The following STARD7 variants were observed in gnomAD, a reference collection of about 807,000 sequenced individuals.
STARD7 encodes the protein StAR related lipid transfer domain containing 7.
Under a neutral mutation model 45.3 loss-of-function variants are expected in STARD7, and 30 were observed. The observed-to-expected ratio is 0.66, with a 90% CI of 0.50 to 0.90. STARD7 has a LOEUF of 0.90. Among genes scored for constraint, STARD7 ranks in the 40% least tolerant of loss-of-function variants. STARD7 has a pLI of 0.00. For missense variants in STARD7, 495 were observed against 491.3 expected (o/e 1.01, Z -0.07); for synonymous variants, 199 against 183.0 (o/e 1.09, Z -0.70).
chr2:96,196,263 G>C (rs1428536925), intron 1 of STARD7, among the ~76,000 whole-genome samples: 1 of 152,078 alleles, frequency 6.6e-6, no homozygotes, highest in African/African-American at 2.4e-5. Context: ...CCAGGTTCAA[G>C]ACTAACCTGG....
rs1259739039 is a variant in STARD7, at chr2:96,208,397, C to G, written c.38G>C (p.Gly13Ala). 2 of 1,454,692 alleles carry G rather than the reference C, an allele frequency of 1.4e-6. No individual in the cohort carries two copies. The highest frequency in any genetic ancestry group is 1.8e-6 in the Non-Finnish European group (2 of 1,113,738). The allele number at this position is 1,454,692 out of a possible 1,614,324, so 90.1% of individuals were successfully genotyped here. A position where few individuals can be genotyped will look rare whatever the true frequency, so the allele number is the denominator to read the frequency against. ...PRRLLAAWLAGTRGGGLLALL... is the reference protein window; with the variant it reads ...PRRLLAAWLAATRGGGLLALL... ...CGCCAGCAGGCCCCCGCCCCGCGTCCCCGCCAGCCAGGCGGCCAGCAGCCT... is the reference window on the plus strand; with the variant it reads ...CGCCAGCAGGCCCCCGCCCCGCGTCGCCGCCAGCCAGGCGGCCAGCAGCCT... Residue 13 changes from glycine to alanine, a missense_variant, in exon 1 of 8, where the codon GGG becomes GCG. Gly to Ala is a moderately conservative substitution (Grantham distance 60). Around this residue, in one of 2 missense-constraint regions of STARD7, gnomAD observed 282 missense variants for 220.1 expected, o/e 1.28. Coordinates refer to ENST00000337288, the MANE Select transcript of STARD7 (RefSeq NM_020151.4).
At position 96,186,856 on chromosome 2, in the gene STARD7, C is replaced by G; in HGVS notation, c.987G>C (p.Glu329Asp). 6.2e-7 allele frequency: 1 copy of G among 1,613,920 alleles called. No individual in the cohort carries two copies. Among genetic ancestry groups the G allele is most frequent in the Non-Finnish European group, 8.5e-7 (1 of 1,179,852 alleles). ...CTGAGATGTAGTCCTTTACTTTAAT[C>G]TCCATATTCTTGGCTTTCAGAGTGG... ...HMATLKAKNM[E>D]IKVKDYISAK... Residue 329 changes from glutamate to aspartate, a missense_variant, in exon 8 of 8, where the codon GAG becomes GAC. Physicochemically the swap from Glu to Asp is conservative, Grantham distance 45 (BLOSUM62 2). This residue lies in a region of STARD7 where 213 missense variants were observed against 271.2 expected (regional missense o/e 0.79). Coordinates refer to ENST00000337288, the MANE Select transcript of STARD7 (RefSeq NM_020151.4).
Position 96,208,292 on chromosome 2 carries a change from A to G in STARD7, c.143T>C (p.Leu48Pro). The G allele has an allele frequency of 6.2e-7, 1 of 1,610,102 alleles. No homozygotes were observed. The highest frequency in any genetic ancestry group is 8.5e-7 in the Non-Finnish European group (1 of 1,179,008). ...AACGCGGCGTGAGCTCTCGGAGTAG[A>G]GGCGGCCGTAGAGCTGCGCGATCTG... is the stretch of plus-strand genomic sequence containing the variant. ...AQQIAQLYGR[L>P]YSESSRRVLL... is the part of the protein sequence containing the mutation. Residue 48 changes from leucine (L) to proline (P), a missense_variant, in exon 1 of 8, where the codon CTC becomes CCC. Coordinates refer to ENST00000337288, the MANE Select transcript of STARD7 (RefSeq NM_020151.4).
intron 1 of STARD7, among the ~76,000 whole-genome samples, chr2:96,195,984 G>A (rs1043074760): frequency 1.3e-5 from 2 of 151,588 alleles, no homozygotes; most frequent in African/African-American, 2.4e-5. Context: ...ATGGTGGCGC[G>A]CAACTGTAAT....
intron 1 of STARD7, among the ~76,000 whole-genome samples, chr2:96,198,246 C>G (rs1306312201): frequency 6.6e-6 from 1 of 151,812 alleles, no homozygotes; most frequent in South Asian, 2.1e-4. Flanking sequence ...TTGCTTGAAC[C>G]CAGGAGGTGG....
chr2:96,187,364 G>C (rs1330674528), intron 6 of STARD7, 63 bp from the exon 7 acceptor site: 2 of 1,005,446 alleles, frequency 2.0e-6, no homozygotes, highest in Non-Finnish European at 3.2e-6. Context: ...TCCATATCCA[G>C]TACCATAGAA....
rs1257999880 is a variant in STARD7, at chr2:96,184,865, TTG to T, written c.*1863_*1864del. 6.6e-6 allele frequency: 1 copy of T among 152,628 alleles called. No individual in the cohort carries two copies. Among genetic ancestry groups the T allele is most frequent in the Non-Finnish European group, 1.5e-5 (1 of 68,056 alleles). 9.5% of individuals were successfully genotyped at this position (152,628 alleles called of 1,614,324 possible). ...TTTGTCCAAAGACAAACACTTTTTT[TTG>T]TACCAATCTTTATGTATTTATTCAC... On this transcript the variant is annotated 3_prime_UTR_variant, in exon 8 of 8. Coordinates refer to ENST00000337288, the MANE Select transcript of STARD7 (RefSeq NM_020151.4).
At chr2:96,197,110 A>AACTAAACTAAAC (rs1274720929) in intron 1 of STARD7, among the ~76,000 whole-genome samples, 2 of 141,418 alleles carry the variant, frequency 1.4e-5, no homozygotes, top group Non-Finnish European at 3.1e-5. Context: ...ATAAAATAAA[A>AACTAAACTAAAC]TAAAATAAAA....
Position 96,194,991 on chromosome 2 carries a change from T to C in STARD7, c.516A>G (p.Thr172=). 1 of 1,610,166 alleles carries C rather than the reference T, an allele frequency of 6.2e-7. No individual in the cohort carries two copies. The highest frequency in any genetic ancestry group is 8.5e-7 in the Non-Finnish European group (1 of 1,178,272). The change falls in exon 3 of 8, where the codon ACA becomes ACG. Residue 172 remains threonine, a synonymous_variant. Transcript: ENST00000337288. ...LYQYRVFGTY[T]DVTPRQFFNV... is the part of the protein sequence containing the mutation. ...TGAAGAACTGCCGAGGTGTCACATC[T>C]GTGTAGGTTCCAAAAACTAGAATGA...
chr2:96,193,912 G>C (rs1451154226), intron 3 of STARD7, among the ~76,000 whole-genome samples: 1 of 152,230 alleles, frequency 6.6e-6, no homozygotes, highest in Non-Finnish European at 1.5e-5. Flanking sequence ...CAACGAAGTA[G>C]TTATCGGAAG....
chr2:96,196,113 CA>C (rs113641896), intron 1 of STARD7, among the ~76,000 whole-genome samples: 22,570 of 83,302 alleles, frequency 0.27, 1,458 homozygotes, highest in East Asian at 0.39. Context: ...ACTCTTGTCT[CA>C]AAAAAAAAAA....
rs1683157571 is a variant in STARD7, at chr2:96,193,481, A to G, written c.550-129T>C. 4.5e-6 allele frequency: 3 copies of G among 673,248 alleles called. No homozygotes were observed. The Admixed American group carries it at 7.6e-5, about 17-fold the overall frequency. 41.7% of individuals were successfully genotyped at this position (673,248 alleles called of 1,614,324 possible). On this transcript the variant is annotated intron_variant, in intron 3 of 7. Transcript: ENST00000337288. ...GAGAGAGTAATCTGACCTAACAGAC[A>G]GTGCCAGAGTGTGAGAGACATGGCT...
Position 96,188,775 on chromosome 2 carries a change from TC to T in STARD7, c.844-1475del, listed in dbSNP as rs201226951. Among the ~76,000 whole-genome samples the T allele has an allele frequency of 8.6e-3, 1,297 of 151,266 alleles. 20 individuals are homozygous for T. The highest frequency in any genetic ancestry group is 0.03 in the African/African-American group (1,240 of 41,258). The stretch of plus-strand genomic sequence containing the variant: ...CAGGTGTGGTGGCACACACCAGTAA[TC>T]CCAGCTACTCGGGAGGCTGAGGCAA... On this transcript the variant is annotated intron_variant, in intron 6 of 7. Coordinates refer to ENST00000337288, the MANE Select transcript of STARD7 (RefSeq NM_020151.4).
In STARD7 at chr2:96,195,440, A is replaced by T. The variant is rs774671221; in HGVS notation, c.400T>A (p.Ser134Thr). The T allele has an allele frequency of 2.5e-6, 4 of 1,613,410 alleles. No homozygotes were observed. The highest frequency in any genetic ancestry group is 3.4e-6 in the Non-Finnish European group (4 of 1,179,674). Reference protein sequence around the residue: ...PKAQTEGNEDSEGKEQRWEMV... With the variant: ...PKAQTEGNEDTEGKEQRWEMV... Reference sequence around the variant, plus strand: ...TCCCAACGTTGCTCTTTGCCCTCTGAATCTTCATTCCCTTCTGTTTGGGCT... The same window carrying T: ...TCCCAACGTTGCTCTTTGCCCTCTGTATCTTCATTCCCTTCTGTTTGGGCT... The change falls in exon 2 of 8, where the codon TCA becomes ACA. Residue 134 changes from serine to threonine, a missense_variant. Physicochemically the swap from Ser to Thr is moderately conservative, Grantham distance 58. Coordinates refer to ENST00000337288, the MANE Select transcript of STARD7 (RefSeq NM_020151.4).
chr2:96,190,380 C>T (rs970163776), intron 6 of STARD7, among the ~76,000 whole-genome samples: 98 of 149,112 alleles, frequency 6.6e-4, no homozygotes, highest in African/African-American at 2.4e-3. Flanking sequence ...GTGTCGCCCA[C>T]GCTGGGGTGC....
chr2:96,207,281 AC>A (rs1558738739), intron 1 of STARD7, among the ~76,000 whole-genome samples: 1 of 152,242 alleles, frequency 6.6e-6, no homozygotes, highest in Non-Finnish European at 1.5e-5. Flanking sequence ...TCAAGAATAA[AC>A]AGGCGAGTGT....
intron 1 of STARD7, among the ~76,000 whole-genome samples, chr2:96,207,029 T>A (rs1018387915): frequency 6.6e-6 from 1 of 152,174 alleles, no homozygotes; most frequent in African/African-American, 2.4e-5. Context: ...GTGAATAAGG[T>A]TGTTTGTGGT....
Position 96,185,626 on chromosome 2 carries a change from C to T in STARD7, c.*1104G>A, listed in dbSNP as rs1019755537. On this transcript the variant is annotated 3_prime_UTR_variant, in exon 8 of 8. Transcript: ENST00000337288. The stretch of plus-strand genomic sequence containing the variant: ...AACTTAATGGTAACATAAACCAAAT[C>T]TCCACTGTATTAGTATTTGAGACAA... 1 of 152,166 alleles carries T rather than the reference C, an allele frequency of 6.6e-6. No individual in the cohort carries two copies. The highest frequency in any genetic ancestry group is 2.4e-5 in the African/African-American group (1 of 41,418). The allele number at this position is 152,166 out of a possible 1,614,324, so 9.4% of individuals were successfully genotyped here.
At chr2:96,206,903 ATTC>A (rs1246205034) in intron 1 of STARD7, among the ~76,000 whole-genome samples, 1 of 151,788 alleles carries the variant, frequency 6.6e-6, no homozygotes, top group Non-Finnish European at 1.5e-5. Context: ...TTTTCTTCCT[ATTC>A]TTTTATTTCC....
Sources: gnomAD v4.1 joint callset for allele counts (sites outside exome capture counted in the v4.1 genomes callset) on GRCh38, gnomAD v4.1.1 for gene constraint, gnomAD v4.1.1 regional missense constraint, MANE v1.5 for transcripts, NCBI Gene and HGNC (gene_info 2026-07-23, HGNC 2026-07-21) for gene names.